The following CHD1 variants were observed in gnomAD, a reference collection of about 807,000 sequenced individuals.
CHD1 encodes chromodomain helicase DNA binding protein 1.
A neutral mutation model predicts 224.2 loss-of-function variants in CHD1; 36 were observed. The observed-to-expected ratio is 0.16, with a 90% CI of 0.12 to 0.21. CHD1 has a LOEUF of 0.21. Ranked by LOEUF, CHD1 falls within the 10% of genes least tolerant of loss-of-function variation. CHD1 has a pLI of 1.00. For synonymous variants in CHD1, 668 were observed against 658.3 expected (o/e 1.01, Z -0.23); for missense variants, 1,378 against 1,994.8 (o/e 0.69, Z 5.89).
At chr5:98,876,332 G>T in intron 24 of CHD1, 66 bp downstream of exon 24, 1 of 1,486,494 alleles carries the variant, frequency 6.7e-7, no homozygotes, top group Non-Finnish European at 9.2e-7. Context: ...AAATTACGGC[G>T]TTTTTACATT....
At chr5:98,910,127 G>A (rs1752293550) in intron 2 of CHD1, among the ~76,000 whole-genome samples, 1 of 152,152 alleles carries the variant, frequency 6.6e-6, no homozygotes, top group Non-Finnish European at 1.5e-5. Context: ...GAGCTAGGAT[G>A]TGTGTATTTT....
Position 98,854,748 on chromosome 5 carries a change from A to G in CHD1, c.*1632T>C, listed in dbSNP as rs1019570889. On this transcript the variant is annotated 3_prime_UTR_variant, in exon 36 of 36. Transcript: ENST00000614616. ...AATATTAAAAAATACACCTATGGAC[A>G]AATATCTGTAGGTTGCTCCCACAGC... The G allele has an allele frequency of 6.6e-6, 1 of 152,190 alleles. No homozygotes were observed. The highest frequency in any genetic ancestry group is 1.5e-5 in the Non-Finnish European group (1 of 67,996). The allele number at this position is 152,190 out of a possible 1,614,324, so 9.4% of individuals were successfully genotyped here. A position where few individuals can be genotyped will look rare whatever the true frequency, so the allele number is the denominator to read the frequency against.
At chr5:98,883,020 A>C in intron 19 of CHD1, 68 bp downstream of exon 19, 2 of 967,174 alleles carry the variant, frequency 2.1e-6, no homozygotes, top group East Asian at 2.9e-5. Context: ...GGATAAACTG[A>C]AATCACTTCC....
chr5:98,879,790 T>C (rs1371807863), intron 22 of CHD1, 62 bp from the exon 23 acceptor site: 2 of 1,108,996 alleles, frequency 1.8e-6, no homozygotes, highest in Non-Finnish European at 2.6e-6. Flanking sequence ...AAAAGTTTTT[T>C]TTAAGGGGAA....
At chr5:98,858,852 A>T in intron 34 of CHD1, 112 bp downstream of exon 34, 1 of 572,230 alleles carries the variant, frequency 1.7e-6, no homozygotes, top group Non-Finnish European at 2.9e-6. Context: ...ATATAAAGGT[A>T]CTTATAAATA....
chr5:98,898,780 TC>T lies in CHD1; in HGVS notation c.1086-17del. On this transcript the variant is annotated splice_polypyrimidine_tract_variant and intron_variant, in intron 8 of 35. Transcript: ENST00000614616. ...ATTTTTCAACCTGAAAAATTATTAA[TC>T]CAGGAATAGACTTAAAAATCTCCCA... The T allele has an allele frequency of 7.3e-7, 1 of 1,376,470 alleles. No homozygotes were observed. The highest frequency in any genetic ancestry group is 1.0e-6 in the Non-Finnish European group (1 of 969,556). 85.3% of individuals were successfully genotyped at this position (1,376,470 alleles called of 1,614,324 possible).
rs1243100298 is a variant in CHD1 at position 98,899,482 on chromosome 5, T to A, written c.1083A>T (p.Arg361Ser). The change falls in exon 8 of 36, where the codon AGA becomes AGT. Residue 361 changes from arginine to serine, a missense_variant and splice_region_variant. Arg to Ser is a moderately radical substitution (Grantham distance 110). Around this residue, in one of 16 missense-constraint regions of CHD1, gnomAD observed 1 missense variants for 21.7 expected, o/e 0.05. Coordinates refer to ENST00000614616, the MANE Select transcript of CHD1 (RefSeq NM_001270.4). ...TATATGATATACAGCATACTTACCA[T>A]CTTTTTGTTTCCTGATCTTTTTTCT... ...NYKKKDQETK[R>S]WLKNASPEDV... 6.4e-7 allele frequency: 1 copy of A among 1,565,594 alleles called. No homozygotes were observed. The highest frequency in any genetic ancestry group is 8.8e-7 in the Non-Finnish European group (1 of 1,138,110).
chr5:98,905,152 T>C, intron 2 of CHD1, 54 bp from the exon 3 acceptor site: 1 of 1,600,970 alleles, frequency 6.2e-7, no homozygotes. Context: ...ATTTAATTTT[T>C]CTTAGACGTC....
At chr5:98,886,677 A>G (rs1750669812) in intron 17 of CHD1, among the ~76,000 whole-genome samples, 1 of 152,180 alleles carries the variant, frequency 6.6e-6, no homozygotes, top group Non-Finnish European at 1.5e-5. Flanking sequence ...AAGTGGTTTA[A>G]ATGAAGTGCT....
chr5:98,924,514 C>T (rs559557686), intron 2 of CHD1, among the ~76,000 whole-genome samples: 36 of 152,332 alleles, frequency 2.4e-4, no homozygotes, highest in Admixed American at 3.9e-4. Context: ...TTAATTAATG[C>T]AGAGATAGCA....
At chr5:98,868,791 A>C (rs1749100045) in intron 30 of CHD1, 156 bp from the exon 31 acceptor site, 1 of 800,314 alleles carries the variant, frequency 1.2e-6, no homozygotes, top group Admixed American at 3.3e-5. Context: ...TTTTTTCCCC[A>C]ATTTTATTTG....
chr5:98,911,130 G>GAAAAAAAAAA (rs11451331), intron 2 of CHD1, among the ~76,000 whole-genome samples: 7 of 44,042 alleles, frequency 1.6e-4, no homozygotes, highest in African/African-American at 2.2e-4. Flanking sequence ...GTGCTAAAAT[G>GAAAAAAAAAA]AAAAAAAAAA....
intron 2 of CHD1, among the ~76,000 whole-genome samples, chr5:98,911,146 A>ATCTATATATAT (rs1554081078): frequency 7.7e-5 from 3 of 39,132 alleles, no homozygotes; most frequent in Non-Finnish European, 9.0e-5. Context: ...AAAAAAAAAA[A>ATCTATATATAT]ATATATATAT....
chr5:98,907,386 C>T (rs188461816), intron 2 of CHD1, among the ~76,000 whole-genome samples: 28 of 152,058 alleles, frequency 1.8e-4, no homozygotes, highest in African/African-American at 6.7e-4. Flanking sequence ...GTCGGGAGTT[C>T]GAGACCAGTC....
chr5:98,880,970 G>A, intron 22 of CHD1, 106 bp downstream of exon 22: 1 of 732,562 alleles, frequency 1.4e-6, no homozygotes, highest in Non-Finnish European at 2.4e-6. Context: ...ACATAACACA[G>A]CAATCTTCCT....
chr5:98,864,460 A>G (rs189550515), intron 31 of CHD1, among the ~76,000 whole-genome samples: 3 of 144,320 alleles, frequency 2.1e-5, no homozygotes, highest in East Asian at 4.0e-4. Flanking sequence ...CGGGAGGATC[A>G]CTTGAGTCCA....
chr5:98,899,266 G>C (rs1446802580), intron 8 of CHD1, among the ~76,000 whole-genome samples: 2 of 152,044 alleles, frequency 1.3e-5, no homozygotes, highest in Non-Finnish European at 2.9e-5. Context: ...TTTTTAATTT[G>C]TGTTATTGTT....
intron 2 of CHD1, 140 bp from the exon 3 acceptor site, chr5:98,905,238 G>T (rs1226721956): frequency 1.0e-6 from 1 of 965,244 alleles, no homozygotes; most frequent in Non-Finnish European, 1.5e-6. Flanking sequence ...AAAAGAAAAA[G>T]GAATTGATTT....
At chr5:98,909,646 A>T (rs952525059) in intron 2 of CHD1, among the ~76,000 whole-genome samples, 1 of 152,112 alleles carries the variant, frequency 6.6e-6, no homozygotes, top group Non-Finnish European at 1.5e-5. Flanking sequence ...TTCCCTCATC[A>T]TATTTGTTAA....
Sources: gnomAD v4.1 joint callset for allele counts (sites outside exome capture counted in the v4.1 genomes callset) on GRCh38, gnomAD v4.1.1 for gene constraint, gnomAD v4.1.1 regional missense constraint, MANE v1.5 for transcripts, NCBI Gene and HGNC (gene_info 2026-07-23, HGNC 2026-07-21) for gene names.